DRC11: variants seen among roughly 807,000 people sequenced by gnomAD.
The protein encoded by DRC11 is dynein regulatory complex subunit 11, also known as IQ and AAA domain-containing protein 1.
At chr2:236,315,867 G>T in the DRC11 span, among the ~76,000 whole-genome samples, 1 of 152,112 alleles carries the variant, frequency 6.6e-6, no homozygotes, top group Non-Finnish European at 1.5e-5. The surrounding 1 kb of genome is among the most constrained non-coding windows in gnomAD (Gnocchi z 5.1). Context: ...GTTTGGGAGA[G>T]CATTAGGGAA....
chr2:236,459,541 G>GTATACA, the DRC11 span, among the ~76,000 whole-genome samples: 307 of 73,280 alleles, frequency 4.2e-3, 2 homozygotes, highest in African/African-American at 0.014. Flanking sequence ...ATACGTATAC[G>GTATACA]TATACGTATA....
At chr2:236,316,803 T>G in the DRC11 span, among the ~76,000 whole-genome samples, 1 of 152,306 alleles carries the variant, frequency 6.6e-6, no homozygotes, top group Middle Eastern at 3.4e-3. This position sits in a 1 kb window ranked among gnomAD's most constrained non-coding sequence, Gnocchi z 6.8. Flanking sequence ...GGAGTTTGCA[T>G]GCATCGCTGG....
At chr2:236,456,024 A>C in the DRC11 span, among the ~76,000 whole-genome samples, 1 of 152,170 alleles carries the variant, frequency 6.6e-6, no homozygotes, top group South Asian at 2.1e-4. The surrounding 1 kb of genome is among the most constrained non-coding windows in gnomAD (Gnocchi z 5.4). Flanking sequence ...CAGCATTTTG[A>C]CTGTGGGAGC....
the DRC11 span, among the ~76,000 whole-genome samples, chr2:236,407,517 A>G: frequency 6.6e-6 from 1 of 152,166 alleles, no homozygotes; most frequent in African/African-American, 2.4e-5. Flanking sequence ...AACCAAAGGA[A>G]CCAATACCTT....
chr2:236,315,685 G>A, the DRC11 span, among the ~76,000 whole-genome samples: 1 of 152,186 alleles, frequency 6.6e-6, no homozygotes, highest in Non-Finnish European at 1.5e-5. The surrounding 1 kb of genome is among the most constrained non-coding windows in gnomAD (Gnocchi z 5.1). Flanking sequence ...AAAAAGGAAT[G>A]AGATCATGTC....
At chr2:236,496,182 T>A in the DRC11 span, among the ~76,000 whole-genome samples, 2 of 152,224 alleles carry the variant, frequency 1.3e-5, no homozygotes. This position sits in a 1 kb window ranked among gnomAD's most constrained non-coding sequence, Gnocchi z 6.3. Flanking sequence ...TGGCCCATGC[T>A]CTTATAGATG....
chr2:236,345,263 G>A, the DRC11 span, among the ~76,000 whole-genome samples: 63 of 152,174 alleles, frequency 4.1e-4, no homozygotes, highest in Non-Finnish European at 7.9e-4. Context: ...AATGTGTTCT[G>A]CAGCTACAAC....
the DRC11 span, among the ~76,000 whole-genome samples, chr2:236,355,541 C>A: frequency 8.5e-5 from 13 of 152,184 alleles, no homozygotes; most frequent in Non-Finnish European, 1.8e-4. Context: ...GTGTCCATAC[C>A]CGAGGCTGCA....
the DRC11 span, among the ~76,000 whole-genome samples, chr2:236,428,673 T>A: frequency 4.0e-3 from 613 of 152,180 alleles, 5 homozygotes; most frequent in African/African-American, 0.014. Flanking sequence ...TTGGGTAATT[T>A]AAAAAAAATC....
At chr2:236,363,956 C>A in the DRC11 span, 2 of 1,613,978 alleles carry the variant, frequency 1.2e-6, no homozygotes, top group Admixed American at 1.7e-5. The surrounding 1 kb of genome is among the most constrained non-coding windows in gnomAD (Gnocchi z 5.6). Flanking sequence ...ACCAAAGGAG[C>A]TTTCTCATGC....
chr2:236,470,764 C>T, the DRC11 span, among the ~76,000 whole-genome samples: 2 of 152,046 alleles, frequency 1.3e-5, no homozygotes, highest in South Asian at 2.1e-4. This position sits in a 1 kb window ranked among gnomAD's most constrained non-coding sequence, Gnocchi z 5.1. Context: ...TTTGCTTTTG[C>T]CCTCTGCTCA....
chr2:236,355,064 T>C, the DRC11 span, among the ~76,000 whole-genome samples: 1 of 152,234 alleles, frequency 6.6e-6, no homozygotes, highest in Non-Finnish European at 1.5e-5. Context: ...TGTCGGGGTC[T>C]AGGCTCCCTC....
the DRC11 span, among the ~76,000 whole-genome samples, chr2:236,493,132 TATG>T: frequency 3.9e-4 from 59 of 152,238 alleles, no homozygotes; most frequent in Non-Finnish European, 4.0e-4. Flanking sequence ...GCACATCTCA[TATG>T]GCGGCAGACA....
the DRC11 span, among the ~76,000 whole-genome samples, chr2:236,432,785 T>C: frequency 1.3e-5 from 2 of 150,952 alleles, no homozygotes; most frequent in Non-Finnish European, 2.9e-5. Context: ...ATTTATCAAT[T>C]TTTTTTTCTG....
At chr2:236,380,852 G>A in the DRC11 span, among the ~76,000 whole-genome samples, 3 of 152,172 alleles carry the variant, frequency 2.0e-5, no homozygotes, top group Non-Finnish European at 4.4e-5. This position sits in a 1 kb window ranked among gnomAD's most constrained non-coding sequence, Gnocchi z 4.9. Context: ...GGACAGACGT[G>A]AGGTCCCCAC....
chr2:236,332,726 T>C, the DRC11 span: 1 of 152,202 alleles, frequency 6.6e-6, no homozygotes, highest in African/African-American at 2.4e-5. The surrounding 1 kb of genome is among the most constrained non-coding windows in gnomAD (Gnocchi z 5.1). Context: ...TGGCCTATAA[T>C]GTAACTATGA....
chr2:236,397,201 C>T, the DRC11 span, among the ~76,000 whole-genome samples: 20 of 152,250 alleles, frequency 1.3e-4, no homozygotes, highest in Middle Eastern at 3.2e-3. This position sits in a 1 kb window ranked among gnomAD's most constrained non-coding sequence, Gnocchi z 5.0. Context: ...ATAACATGCT[C>T]ATATGCTACT....
At chr2:236,442,296 C>T in the DRC11 span, among the ~76,000 whole-genome samples, 1 of 152,140 alleles carries the variant, frequency 6.6e-6, no homozygotes, top group Admixed American at 6.6e-5. Flanking sequence ...TTGTGTCTGG[C>T]TGAATGGCAA....
the DRC11 span, chr2:236,380,419 A>G: frequency 6.6e-3 from 3,954 of 601,814 alleles, 130 homozygotes; most frequent in African/African-American, 0.066. This position sits in a 1 kb window ranked among gnomAD's most constrained non-coding sequence, Gnocchi z 4.9. Context: ...CCAGTCTGGG[A>G]TTTGTAGGGA....
Sources: gnomAD v4.1 joint callset for allele counts (sites outside exome capture counted in the v4.1 genomes callset) on GRCh38, gnomAD v4.1.1 for gene constraint, Gnocchi (gnomAD v3.1) non-coding constraint, MANE v1.5 for transcripts, NCBI Gene and HGNC (gene_info 2026-07-23, HGNC 2026-07-21) for gene names.